The following PAQR7 variants were observed in gnomAD, a reference collection of about 807,000 sequenced individuals.
The protein encoded by PAQR7 is membrane progestin receptor alpha.
A neutral mutation model predicts 24.6 loss-of-function variants in PAQR7; 14 were observed. That is an observed-to-expected ratio of 0.57 (90% CI 0.38 to 0.89). The LOEUF (loss-of-function observed/expected upper bound fraction) is 0.89, where lower values mean the gene tolerates loss of function less well. Ranked by LOEUF, PAQR7 falls within the 40% of genes least tolerant of loss-of-function variation. The pLI, the probability that PAQR7 is intolerant of heterozygous loss-of-function variation, is 0.00. For synonymous variants in PAQR7, 189 were observed against 198.8 expected (o/e 0.95, Z 0.42); for missense variants, 351 against 444.0 (o/e 0.79, Z 1.88).
rs1397660385 is a variant in PAQR7 at position 25,862,621 on chromosome 1, C to T, written c.*178G>A. The T allele has an allele frequency of 1.5e-5, 11 of 722,246 alleles. No individual in the cohort carries two copies. In the Admixed American group the frequency reaches 3.3e-4, roughly 21 times the overall value. The allele number at this position is 722,246 out of a possible 1,614,324, so 44.7% of individuals were successfully genotyped here. ...GGCCCAGGAGTGGACCCCAGCAACT[C>T]CTAGCCAATCCCTAAATCCAAGAAT... On this transcript the variant is annotated 3_prime_UTR_variant, in exon 3 of 3. Transcript: ENST00000675840.
rs184862321 is a variant in PAQR7, at chr1:25,865,548, G to A, written c.-22-1687C>T. ...AACTAGGCCGGGCATGGTGGCTCAC[G>A]CCTGTAATCCCAGCACTTTGGGAGG... On this transcript the variant is annotated intron_variant, in intron 2 of 2. Transcript: ENST00000675840. 1.0e-3 allele frequency among the ~76,000 whole-genome samples: 156 copies of A among 152,158 alleles called. 3 individuals carry two copies. The South Asian group carries it at 0.016, about 16-fold the overall frequency.
intron 1 of PAQR7, among the ~76,000 whole-genome samples, chr1:25,872,670 T>C (rs1394831073): frequency 6.6e-6 from 1 of 152,014 alleles, no homozygotes; most frequent in Non-Finnish European, 1.5e-5. Context: ...CACGCTACCA[T>C]GCCTATTTTT....
chr1:25,869,358 G>T (rs1177327907), intron 2 of PAQR7, among the ~76,000 whole-genome samples: 1 of 152,064 alleles, frequency 6.6e-6, no homozygotes, highest in East Asian at 1.9e-4. Flanking sequence ...GATCACCTGA[G>T]GTCAGGAGTT....
At position 25,861,970 on chromosome 1, in the gene PAQR7, G is replaced by GCAC. The variant is rs2048514460; in HGVS notation, c.*826_*828dup. Reference sequence around the variant, plus strand: ...GGCGGAGGTGCAGTGAGCCGAGATCGCACCATTTTACTCCAGCCTAGCCAA... The same window carrying GCAC: ...GGCGGAGGTGCAGTGAGCCGAGATCGCACCACCATTTTACTCCAGCCTAGCCAA... On this transcript the variant is annotated 3_prime_UTR_variant, in exon 3 of 3. Transcript: ENST00000675840. 1 of 118,778 alleles carries GCAC rather than the reference G, an allele frequency of 8.4e-6. No homozygotes were observed. Among genetic ancestry groups the GCAC allele is most frequent in the Admixed American group, 1.3e-4 (1 of 7,912 alleles). 7.4% of individuals were successfully genotyped at this position (118,778 alleles called of 1,614,324 possible).
At chr1:25,864,983 C>T (rs569218215) in intron 2 of PAQR7, among the ~76,000 whole-genome samples, 145 of 151,332 alleles carry the variant, frequency 9.6e-4, no homozygotes, top group Non-Finnish European at 1.6e-3. Context: ...GGTGAAACCC[C>T]GTCTCTACTA....
intron 1 of PAQR7, among the ~76,000 whole-genome samples, chr1:25,873,123 T>C (rs1376039831): frequency 6.6e-6 from 1 of 152,248 alleles, no homozygotes; most frequent in Non-Finnish European, 1.5e-5. Context: ...ATATGGCACC[T>C]GAAATATCAT....
rs1307269182 is a variant in PAQR7, at chr1:25,862,177, GAC to G, written c.*620_*621del. 6.6e-6 allele frequency: 1 copy of G among 152,598 alleles called. No individual in the cohort carries two copies. The highest frequency in any genetic ancestry group is 2.4e-5 in the African/African-American group (1 of 41,442). The allele number at this position is 152,598 out of a possible 1,614,324, so 9.5% of individuals were successfully genotyped here. ...GAGAAGCTGGGAACAGGCCGTGTGG[GAC>G]ACAGAAGCCAGAGCTAGGAGATCTG... On this transcript the variant is annotated 3_prime_UTR_variant, in exon 3 of 3. Transcript: ENST00000675840.
chr1:25,870,280 T>A (rs1211404211), intron 2 of PAQR7, among the ~76,000 whole-genome samples: 1 of 152,128 alleles, frequency 6.6e-6, no homozygotes, highest in African/African-American at 2.4e-5. Flanking sequence ...TTGCACTGGG[T>A]ACCTGGGGGT....
intron 2 of PAQR7, among the ~76,000 whole-genome samples, chr1:25,868,855 G>A (rs564676131): frequency 3.3e-5 from 5 of 151,210 alleles, no homozygotes; most frequent in African/African-American, 9.7e-5. Context: ...GAGGCCGGGC[G>A]CAGTGGCTCA....
At chr1:25,872,509 A>ATT (rs55654329) in intron 1 of PAQR7, among the ~76,000 whole-genome samples, 140 of 108,886 alleles carry the variant, frequency 1.3e-3, no homozygotes, top group African/African-American at 2.3e-3. Context: ...ACACCACAGG[A>ATT]TTTTTTTTTT....
chr1:25,864,512 G>A (rs973019970), intron 2 of PAQR7, among the ~76,000 whole-genome samples: 2 of 152,132 alleles, frequency 1.3e-5, no homozygotes, highest in Admixed American at 6.5e-5. Flanking sequence ...CCCTCTGCCT[G>A]AGACATTTTC....
intron 2 of PAQR7, among the ~76,000 whole-genome samples, chr1:25,869,305 C>T (rs2048583993): frequency 6.6e-6 from 1 of 152,128 alleles, no homozygotes; most frequent in South Asian, 2.1e-4. Context: ...GGCGCAGTGG[C>T]TCACACCTGT....
chr1:25,865,995 A>G (rs2048554267), intron 2 of PAQR7, among the ~76,000 whole-genome samples: 1 of 151,802 alleles, frequency 6.6e-6, no homozygotes, highest in South Asian at 2.1e-4. Flanking sequence ...TCAAAAAAAA[A>G]AAAAAAGAAA....
chr1:25,874,691 G>C (rs141641249), intron 1 of PAQR7, among the ~76,000 whole-genome samples: 58 of 152,314 alleles, frequency 3.8e-4, no homozygotes, highest in African/African-American at 1.4e-3. Flanking sequence ...CAGACTCCGA[G>C]GCCTTGGCTT....
intron 2 of PAQR7, among the ~76,000 whole-genome samples, chr1:25,865,397 G>A (rs775552038): frequency 1.3e-5 from 2 of 151,864 alleles, no homozygotes; most frequent in Non-Finnish European, 2.9e-5. Flanking sequence ...CAACATGACC[G>A]GGCGCAGTGG....
intron 2 of PAQR7, among the ~76,000 whole-genome samples, chr1:25,866,573 G>A (rs1434738032): frequency 2.6e-5 from 4 of 152,160 alleles, no homozygotes; most frequent in African/African-American, 4.8e-5. Flanking sequence ...CCTGCTAGAC[G>A]CTTCCCAGCA....
rs536655473 is a variant in PAQR7, at chr1:25,862,012, C to CAAAAAAA, written c.*780_*786dup. ...CCTAGCCAACAAGAGCGAAACTCCT[C>CAAAAAAA]AAAAAAAAAAAAAAAAAAAAAAAAA... On this transcript the variant is annotated 3_prime_UTR_variant, in exon 3 of 3. Coordinates refer to ENST00000675840, the MANE Select transcript of PAQR7 (RefSeq NM_178422.6). 3 of 26,302 alleles carry CAAAAAAA rather than the reference C, an allele frequency of 1.1e-4. No individual in the cohort carries two copies. The highest frequency in any genetic ancestry group is 2.2e-4 in the Non-Finnish European group (2 of 9,282). 1.6% of individuals were successfully genotyped at this position (26,302 alleles called of 1,614,324 possible). A position where few individuals can be genotyped will look rare whatever the true frequency, so the allele number is the denominator to read the frequency against.
At chr1:25,870,296 T>G (rs1451629192) in intron 2 of PAQR7, among the ~76,000 whole-genome samples, 1 of 152,146 alleles carries the variant, frequency 6.6e-6, no homozygotes, top group Non-Finnish European at 1.5e-5. Context: ...GGGGTTTCTC[T>G]CAAGCCTGGG....
Position 25,863,518 on chromosome 1 carries a change from A to T in PAQR7, c.322T>A (p.Phe108Ile), listed in dbSNP as rs756537005. ...GTGAAAGAGGCAAGGACAATGATGA[A>T]GAGGGGCAGGGCGTGTGGGTCTCCC... ...FWGDPHALPL[F>I]IIVLASFTYL... The change falls in exon 3 of 3, where the codon TTC becomes ATC. Residue 108 changes from phenylalanine to isoleucine, a missense_variant. Transcript: ENST00000675840. This position sits in a 1 kb window ranked among gnomAD's most constrained non-coding sequence, Gnocchi z 6.1. 6.2e-7 allele frequency: 1 copy of T among 1,614,190 alleles called. No homozygotes were observed. The highest frequency in any genetic ancestry group is 2.2e-5 in the East Asian group (1 of 44,884).
Sources: gnomAD v4.1 joint callset for allele counts (sites outside exome capture counted in the v4.1 genomes callset) on GRCh38, gnomAD v4.1.1 for gene constraint, Gnocchi (gnomAD v3.1) non-coding constraint, MANE v1.5 for transcripts, NCBI Gene and HGNC (gene_info 2026-07-23, HGNC 2026-07-21) for gene names.